Variants in DLC1 observed in about 807,000 individuals in gnomAD.
DLC1 encodes the protein DLC1 Rho GTPase activating protein.
Under a neutral mutation model 140.3 loss-of-function variants are expected in DLC1, and 54 were observed. That is an observed-to-expected ratio of 0.38 (90% confidence interval 0.31 to 0.48). The LOEUF is 0.48. Among genes scored for constraint, DLC1 ranks in the 20% least tolerant of loss-of-function variants. DLC1 has a pLI of 0.96. For missense variants in DLC1, 2,536 were observed against 1,907.0 expected, an observed-to-expected ratio of 1.33 and a Z score of -6.14; for synonymous variants, 986 against 728.1, an observed-to-expected ratio of 1.35 and a Z score of -5.70.
intron 5 of DLC1, among the ~76,000 whole-genome samples, chr8:13,164,019 G>C (rs966132875): frequency 6.6e-6 from 1 of 150,808 alleles, no homozygotes. Flanking sequence ...ATTCTCAGCC[G>C]GGCGTGGTGG....
intron 2 of DLC1, among the ~76,000 whole-genome samples, chr8:13,417,106 A>T (rs565519904): frequency 6.6e-6 from 1 of 152,178 alleles, no homozygotes; most frequent in South Asian, 2.1e-4. Context: ...AGATGACTTT[A>T]AATAGATCAA....
chr8:13,093,269 G>T (rs1426965471), intron 12 of DLC1, among the ~76,000 whole-genome samples: 3 of 152,082 alleles, frequency 2.0e-5, no homozygotes, highest in Non-Finnish European at 4.4e-5. Context: ...AGATCTCTCA[G>T]CCTTGAGTAC....
At chr8:13,214,576 T>G in intron 5 of DLC1, 2 of 650,348 alleles carry the variant, frequency 3.1e-6, no homozygotes, top group South Asian at 1.9e-5. Context: ...TTTTTTTTTG[T>G]GGCTGCCCGA....
chr8:13,417,774 A>C (rs888672580), intron 2 of DLC1, among the ~76,000 whole-genome samples: 2 of 152,098 alleles, frequency 1.3e-5, no homozygotes, highest in African/African-American at 4.8e-5. Flanking sequence ...TAGATCCCTG[A>C]GGAATCGCCA....
Position 13,098,562 on chromosome 8 carries a change from A to G in DLC1, c.3004T>C (p.Trp1002Arg), listed in dbSNP as rs1818707211. The change falls in exon 10 of 18, where the codon TGG becomes CGG. Residue 1002 changes from tryptophan to arginine, a missense_variant. Physicochemically the swap from Trp to Arg is moderately radical, Grantham distance 101. Transcript: ENST00000276297. ...CGATGTGAGCTCTGGAAACTGTGCC[A>G]TCTCAGTCGGTGCCTGCGAGAGAAG... Reference protein sequence around the residue: ...LTRSNRHRLRWHSFQSSHRPS... With the variant: ...LTRSNRHRLRRHSFQSSHRPS... 6.2e-7 allele frequency: 1 copy of G among 1,614,040 alleles called. No individual in the cohort carries two copies. The highest frequency in any genetic ancestry group is 8.5e-7 in the Non-Finnish European group (1 of 1,179,956).
At chr8:13,431,511 AAAAAG>A (rs1554519024) in intron 2 of DLC1, among the ~76,000 whole-genome samples, 5 of 132,166 alleles carry the variant, frequency 3.8e-5, no homozygotes, top group South Asian at 5.3e-4. Context: ...AAAAAAAAAA[AAAAAG>A]AAAAGAATCA....
chr8:13,567,697 C>T (rs1221750018), intron 1 of DLC1: 2 of 1,551,998 alleles, frequency 1.3e-6, no homozygotes, highest in African/African-American at 1.4e-5. Context: ...TGAACATCTT[C>T]ATACCAAAGA....
In DLC1 at chr8:13,559,376, G is replaced by A. The variant is rs1804165368; in HGVS notation, c.-126+45161C>T. On this transcript the variant is annotated intron_variant, in intron 1 of 1. Coordinates refer to the DLC1 transcript ENST00000631382. ...TTCTTCAGTGACATAGTTTGTTTTT[G>A]GAAAATGCCTATCTAAAATAAGGAG... 2.6e-5 allele frequency: 4 copies of A among 152,274 alleles called. No homozygotes were observed. The South Asian group carries it at 6.2e-4, about 24-fold the overall frequency. The allele number at this position is 152,274 out of a possible 1,614,324, so 9.4% of individuals were successfully genotyped here. A position where few individuals can be genotyped will look rare whatever the true frequency, so the allele number is the denominator to read the frequency against.
intron 2 of DLC1, among the ~76,000 whole-genome samples, chr8:13,452,624 G>T (rs1356864513): frequency 1.3e-5 from 2 of 152,168 alleles, no homozygotes; most frequent in Non-Finnish European, 2.9e-5. Context: ...ACATTATGAT[G>T]ATCTCAGATG....
At chr8:13,255,124 G>A (rs528462229) in intron 5 of DLC1, among the ~76,000 whole-genome samples, 12 of 152,002 alleles carry the variant, frequency 7.9e-5, no homozygotes, top group East Asian at 1.9e-4. Context: ...TTACAGGTGC[G>A]TGCCACCACG....
At chr8:13,402,247 G>A (rs555268218) in intron 2 of DLC1, among the ~76,000 whole-genome samples, 43 of 152,220 alleles carry the variant, frequency 2.8e-4, no homozygotes, top group Admixed American at 1.2e-3. Flanking sequence ...AATGAGTATG[G>A]TTACTTATTC....
chr8:13,117,298 C>G (rs1421592605), intron 5 of DLC1, among the ~76,000 whole-genome samples: 1 of 152,124 alleles, frequency 6.6e-6, no homozygotes, highest in Admixed American at 6.6e-5. Context: ...TGGCGAAACC[C>G]TGTCTCTACC....
intron 5 of DLC1, among the ~76,000 whole-genome samples, chr8:13,176,446 G>C (rs551791920): frequency 4.2e-4 from 64 of 152,260 alleles, no homozygotes; most frequent in African/African-American, 1.5e-3. Context: ...GGGAGTGGCA[G>C]CAGGTGCCTG....
At position 13,184,409 on chromosome 8, in the gene DLC1, C is replaced by A. The variant is rs191275719; in HGVS notation, c.1349-68752G>T. Among the ~76,000 whole-genome samples the A allele has an allele frequency of 1.2e-4, 19 of 152,278 alleles. No homozygotes were observed. The East Asian group carries it at 2.9e-3, about 23-fold the overall frequency. ...TGATGTTACGGTGTCAATTTTAGATCTTTTCTGCTTTCTCTTGTGGGCATT... is the reference window on the plus strand; with the variant it reads ...TGATGTTACGGTGTCAATTTTAGATATTTTCTGCTTTCTCTTGTGGGCATT... On this transcript the variant is annotated intron_variant, in intron 5 of 17. Coordinates refer to ENST00000276297, the MANE Select transcript of DLC1 (RefSeq NM_182643.3).
rs1041669208 is a variant in DLC1, at chr8:13,508,742, A to G, written c.-126+5860T>C. Among the ~76,000 whole-genome samples, 10 of 152,088 alleles carry G rather than the reference A, an allele frequency of 6.6e-5. No individual in the cohort carries two copies. The South Asian group carries it at 1.0e-3, about 16-fold the overall frequency. Reference sequence around the variant, plus strand: ...CAGATGTAGTAATTTCTAAGTATCTATGTTTTATTTGGATCTCCATGTTTT... The same window carrying G: ...CAGATGTAGTAATTTCTAAGTATCTGTGTTTTATTTGGATCTCCATGTTTT... On this transcript the variant is annotated intron_variant, in intron 1 of 17. Transcript: ENST00000276297.
intron 8 of DLC1, among the ~76,000 whole-genome samples, chr8:13,102,061 C>T (rs1819139781): frequency 6.6e-6 from 1 of 152,140 alleles, no homozygotes; most frequent in Non-Finnish European, 1.5e-5. Context: ...TTTGACTCCC[C>T]AAGAAGGCAA....
chr8:13,405,468 A>T (rs1028969459), intron 2 of DLC1, among the ~76,000 whole-genome samples: 1 of 152,254 alleles, frequency 6.6e-6, no homozygotes, highest in Non-Finnish European at 1.5e-5. Context: ...ATTCGGAAAT[A>T]TAAAAGTTCA....
chr8:13,225,939 G>A (rs1284664130), intron 5 of DLC1, among the ~76,000 whole-genome samples: 1 of 151,988 alleles, frequency 6.6e-6, no homozygotes, highest in Non-Finnish European at 1.5e-5. Flanking sequence ...TTGAGAAGCG[G>A]TCTCCCTGTG....
chr8:13,466,128 T>C (rs1799924628), intron 2 of DLC1, among the ~76,000 whole-genome samples: 1 of 152,110 alleles, frequency 6.6e-6, no homozygotes, highest in Non-Finnish European at 1.5e-5. Context: ...TCCACAGAGC[T>C]CACACCTGCT....
Sources: allele counts gnomAD v4.1 joint callset (sites outside exome capture counted in the v4.1 genomes callset), GRCh38; gene constraint gnomAD v4.1.1; transcripts MANE v1.5; gene names NCBI Gene and HGNC (gene_info 2026-07-23, HGNC 2026-07-21).